SLC24A4: variants seen among roughly 807,000 people sequenced by gnomAD.
The protein encoded by SLC24A4 is solute carrier family 24 member 4.
A neutral mutation model predicts 79.0 loss-of-function variants in SLC24A4; 53 were observed. The observed-to-expected ratio is 0.67, with a 90% CI of 0.54 to 0.84. The LOEUF is 0.84. Ranked by LOEUF, SLC24A4 falls within the 40% of genes least tolerant of loss-of-function variation. SLC24A4 has a pLI of 0.00. For synonymous variants in SLC24A4, 323 were observed against 323.8 expected, an observed-to-expected ratio of 1.00 and a Z score of 0.03; for missense variants, 731 against 822.0, an observed-to-expected ratio of 0.89 and a Z score of 1.35.
intron 13 of SLC24A4, chr14:92,484,023 T>C: frequency 1.0e-6 from 1 of 985,366 alleles, no homozygotes; most frequent in Non-Finnish European, 1.2e-6. Flanking sequence ...GTCCTACCTC[T>C]TGCAAACCAC....
At chr14:92,412,277 G>T (rs1208364593) in intron 2 of SLC24A4, among the ~76,000 whole-genome samples, 1 of 152,128 alleles carries the variant, frequency 6.6e-6, no homozygotes, top group Non-Finnish European at 1.5e-5. Context: ...ATAGTTGGTG[G>T]CCCCAAGAGC....
intron 2 of SLC24A4, among the ~76,000 whole-genome samples, chr14:92,331,883 A>G (rs1885500296): frequency 6.6e-6 from 1 of 152,236 alleles, no homozygotes; most frequent in Non-Finnish European, 1.5e-5. Context: ...CTGAATAAAT[A>G]TATTTTCTCT....
At chr14:92,464,748 T>C (rs768944742) in intron 12 of SLC24A4, among the ~76,000 whole-genome samples, 3 of 152,174 alleles carry the variant, frequency 2.0e-5, no homozygotes, top group African/African-American at 7.2e-5. Context: ...GGCTGGAATA[T>C]GGGGGCTGCC....
intron 9 of SLC24A4, among the ~76,000 whole-genome samples, chr14:92,448,184 TTAGTGGGAA>T (rs751631238): frequency 6.6e-6 from 1 of 152,094 alleles, no homozygotes; most frequent in African/African-American, 2.4e-5. Flanking sequence ...GAATTAATGA[TTAGTGGGAA>T]TAGTGTTGTT....
At chr14:92,345,022 G>A (rs1886445556) in intron 2 of SLC24A4, among the ~76,000 whole-genome samples, 1 of 152,190 alleles carries the variant, frequency 6.6e-6, no homozygotes, top group African/African-American at 2.4e-5. Context: ...ACAAATTGTT[G>A]AAGTGTGAAG....
intron 2 of SLC24A4, among the ~76,000 whole-genome samples, chr14:92,411,157 C>G (rs115407178): frequency 6.6e-6 from 1 of 152,110 alleles, no homozygotes; most frequent in Non-Finnish European, 1.5e-5. Context: ...TCAGATCCCC[C>G]GTGTTGACTT....
intron 2 of SLC24A4, among the ~76,000 whole-genome samples, chr14:92,389,884 G>A (rs760776520): frequency 6.6e-6 from 1 of 152,076 alleles, no homozygotes; most frequent in Admixed American, 6.5e-5. Flanking sequence ...ACCCCTGGGC[G>A]CCTGCGTTCC....
chr14:92,459,528 A>T (rs1261151014), intron 12 of SLC24A4, among the ~76,000 whole-genome samples: 2 of 152,092 alleles, frequency 1.3e-5, no homozygotes, highest in Non-Finnish European at 1.5e-5. Flanking sequence ...GGCTCAGTGC[A>T]TGCCTGAGCC....
chr14:92,492,651 G>A (rs59749070), intron 16 of SLC24A4, among the ~76,000 whole-genome samples: 3,386 of 152,164 alleles, frequency 0.022, 129 homozygotes, highest in African/African-American at 0.077. Context: ...TGACTTCAGC[G>A]TCACTTTATT....
rs1432843922 is a variant in SLC24A4, at chr14:92,481,753, G to A, written c.1256-927G>A. The stretch of plus-strand genomic sequence containing the variant: ...TGCTGCAAACCTTAGGTTAATTCTG[G>A]AGCTCTGAAAACGTTGATTCTGACA... On this transcript the variant is annotated intron_variant, in intron 12 of 16. Transcript: ENST00000532405. Among the ~76,000 whole-genome samples the A allele has an allele frequency of 8.5e-5, 13 of 152,084 alleles. No individual in the cohort carries two copies. The East Asian group carries it at 2.5e-3, about 29-fold the overall frequency.
chr14:92,477,383 T>C (rs970099131), intron 12 of SLC24A4, among the ~76,000 whole-genome samples: 1 of 152,236 alleles, frequency 6.6e-6, no homozygotes, highest in Non-Finnish European at 1.5e-5. Flanking sequence ...CCTTATCAGA[T>C]ATATTATTTG....
rs34605132 is a variant in SLC24A4 at position 92,492,158 on chromosome 14, TG to T, written c.1651-16del. On this transcript the variant is annotated splice_polypyrimidine_tract_variant and intron_variant, in intron 15 of 16. Transcript: ENST00000532405. ...GAGCAGTCAAGAGACTCAGGGCACGTGTGTTTGATTTTCCAGGTGAAGATCA... is the reference window on the plus strand; with the variant it reads ...GAGCAGTCAAGAGACTCAGGGCACGTTGTTTGATTTTCCAGGTGAAGATCA... The T allele has an allele frequency of 0.16, 260,745 of 1,610,988 alleles. 22,670 individuals carry two copies. The highest frequency in any genetic ancestry group is 0.25 in the East Asian group (11,424 of 44,814).
chr14:92,451,933 G>C (rs566002754), intron 10 of SLC24A4: 1 of 152,560 alleles, frequency 6.6e-6, no homozygotes, highest in Admixed American at 6.5e-5. Context: ...AGAATGTGCT[G>C]TCATTGAGTT....
intron 2 of SLC24A4, among the ~76,000 whole-genome samples, chr14:92,402,852 T>G (rs1261614684): frequency 6.6e-6 from 1 of 152,164 alleles, no homozygotes; most frequent in East Asian, 1.9e-4. Context: ...CACCTGGGAA[T>G]TCGAGATGAG....
At chr14:92,477,968 G>A (rs973622555) in intron 12 of SLC24A4, among the ~76,000 whole-genome samples, 33 of 150,622 alleles carry the variant, frequency 2.2e-4, no homozygotes, top group African/African-American at 7.6e-4. Flanking sequence ...CACCACACCC[G>A]GCTAATTTTT....
At chr14:92,473,671 A>G (rs1894555982) in intron 12 of SLC24A4, among the ~76,000 whole-genome samples, 1 of 152,208 alleles carries the variant, frequency 6.6e-6, no homozygotes, top group African/African-American at 2.4e-5. Flanking sequence ...ACCAGGAAAC[A>G]TGATCGGGCA....
At chr14:92,336,026 G>T (rs907037315) in intron 2 of SLC24A4, among the ~76,000 whole-genome samples, 3 of 152,098 alleles carry the variant, frequency 2.0e-5, no homozygotes, top group Admixed American at 2.0e-4. Context: ...AATGATCGGG[G>T]CTATCTGCTT....
intron 2 of SLC24A4, among the ~76,000 whole-genome samples, chr14:92,392,039 A>G (rs901866863): frequency 5.9e-5 from 9 of 152,068 alleles, no homozygotes; most frequent in African/African-American, 2.2e-4. Context: ...CAGCAACATC[A>G]CCACCAGCCC....
intron 13 of SLC24A4, 103 bp downstream of exon 13, chr14:92,482,949 G>A (rs1267441590): frequency 1.1e-5 from 13 of 1,172,000 alleles, no homozygotes; most frequent in Non-Finnish European, 1.5e-5. Context: ...CTTTGGGCGA[G>A]TCACTGGCCT....
Sources: allele counts gnomAD v4.1 joint callset (sites outside exome capture counted in the v4.1 genomes callset), GRCh38; gene constraint gnomAD v4.1.1; transcripts MANE v1.5; gene names NCBI Gene and HGNC (gene_info 2026-07-23, HGNC 2026-07-21).